CNBD1: variants seen among roughly 807,000 people sequenced by gnomAD.
The protein encoded by CNBD1 is cyclic nucleotide binding domain containing 1.
In CNBD1, 71 loss-of-function variants were observed where a neutral mutation model predicts 54.4. The observed-to-expected ratio is 1.30, with a 90% CI of 1.08 to 1.59. The LOEUF is 1.59. Ranked by LOEUF, CNBD1 falls within the 40% of genes most tolerant of loss-of-function variation. The probability of loss-of-function intolerance (pLI) is 0.00; values close to 1 mark genes in which losing one functional copy is unlikely to be tolerated. For missense variants in CNBD1, 659 were observed against 518.0 expected (o/e 1.27, Z -2.64); for synonymous variants, 182 against 170.7 (o/e 1.07, Z -0.51).
At chr8:86,903,865 A>AT (rs10708085) in intron 2 of CNBD1, among the ~76,000 whole-genome samples, 7 of 149,300 alleles carry the variant, frequency 4.7e-5, no homozygotes, top group Admixed American at 1.3e-4. Flanking sequence ...TACAAACAGA[A>AT]TTTTTTTTTT....
intron 4 of CNBD1, among the ~76,000 whole-genome samples, chr8:87,137,195 T>TTA (rs530392551): frequency 7.9e-4 from 113 of 142,578 alleles, no homozygotes; most frequent in Non-Finnish European, 1.3e-3. Flanking sequence ...TCTATATAAA[T>TTA]TATATATATA....
At chr8:87,200,252 A>C (rs1813829177) in intron 4 of CNBD1, among the ~76,000 whole-genome samples, 1 of 152,114 alleles carries the variant, frequency 6.6e-6, no homozygotes, top group Admixed American at 6.6e-5. Flanking sequence ...CACAGAAGAA[A>C]TCAGTGAACT....
intron 4 of CNBD1, among the ~76,000 whole-genome samples, chr8:87,005,717 T>C (rs1298455595): frequency 6.6e-6 from 1 of 152,052 alleles, no homozygotes; most frequent in Admixed American, 6.6e-5. Context: ...TCAAGTCTAT[T>C]GAAACAAAAA....
rs149209485 is a variant in CNBD1, at chr8:87,115,865, C to G, written c.432-90128C>G. 2.2e-3 allele frequency among the ~76,000 whole-genome samples: 333 copies of G among 152,284 alleles called. 4 individuals carry two copies. The highest frequency in any genetic ancestry group is 4.0e-3 in the Non-Finnish European group (271 of 68,018). On this transcript the variant is annotated intron_variant, in intron 4 of 10. Transcript: ENST00000518476. ...TTCACACTGCTTTTGATTAATCGATCCGTTTACCTTCTCACTGTGCATCGG... is the reference window on the plus strand; with the variant it reads ...TTCACACTGCTTTTGATTAATCGATGCGTTTACCTTCTCACTGTGCATCGG...
Position 87,399,515 on chromosome 8 carries a change from T to A in CNBD1, c.214-29031T>A, listed in dbSNP as rs375252917. ...GAATGAGACTACTAGATTTCAAATC[T>A]GGGCCAGCACTTACAGTCTGAGTTA... On this transcript the variant is annotated intron_variant, in intron 2 of 7. Coordinates refer to the CNBD1 transcript ENST00000521593. Among the ~76,000 whole-genome samples, 10 of 152,148 alleles carry A rather than the reference T, an allele frequency of 6.6e-5. 1 individual carries two copies. The East Asian group carries it at 9.7e-4, about 15-fold the overall frequency.
chr8:87,184,356 A>G lies in CNBD1; in HGVS notation c.432-21637A>G, dbSNP rs559182368. 1.4e-4 allele frequency among the ~76,000 whole-genome samples: 21 copies of G among 152,296 alleles called. 2 individuals are homozygous for G. In the South Asian group the frequency reaches 4.3e-3, roughly 32 times the overall value. On this transcript the variant is annotated intron_variant, in intron 4 of 10. Transcript: ENST00000518476. ...GGACCATTCAGATCAGACTGACCGCATGGGAAAGACAGCCCTGCTCTCTGC... is the reference window on the plus strand; with the variant it reads ...GGACCATTCAGATCAGACTGACCGCGTGGGAAAGACAGCCCTGCTCTCTGC...
chr8:87,116,541 G>T lies in CNBD1; in HGVS notation c.432-89452G>T, dbSNP rs536441865. ...CATGTCTTATATAATCTTTTTTTAA[G>T]TTACCAGAGTTATGTATTTAATTGC... is the stretch of plus-strand genomic sequence containing the variant. On this transcript the variant is annotated intron_variant, in intron 4 of 10. Coordinates refer to ENST00000518476, the MANE Select transcript of CNBD1 (RefSeq NM_173538.3). Among the ~76,000 whole-genome samples, 4 of 152,028 alleles carry T rather than the reference G, an allele frequency of 2.6e-5. No individual in the cohort carries two copies. In the East Asian group the frequency reaches 7.7e-4, roughly 29 times the overall value.
chr8:87,006,762 ACTC>A (rs1809106406), intron 4 of CNBD1, among the ~76,000 whole-genome samples: 1 of 151,686 alleles, frequency 6.6e-6, no homozygotes, highest in African/African-American at 2.4e-5. Context: ...TCAGATGACA[ACTC>A]CTCCTCTTTA....
At chr8:87,244,297 C>T (rs775167407) in intron 6 of CNBD1, among the ~76,000 whole-genome samples, 1 of 152,258 alleles carries the variant, frequency 6.6e-6, no homozygotes, top group Middle Eastern at 3.4e-3. Flanking sequence ...AGCTATGCAT[C>T]TATCTCAATG....
intron 8 of CNBD1, among the ~76,000 whole-genome samples, chr8:87,329,731 T>A (rs1586019175): frequency 6.6e-6 from 1 of 152,160 alleles, no homozygotes; most frequent in East Asian, 1.9e-4. Context: ...AAGAATTGAC[T>A]TGTGTATATT....
At chr8:87,235,261 C>T (rs533798627) in intron 5 of CNBD1, among the ~76,000 whole-genome samples, 1 of 152,228 alleles carries the variant, frequency 6.6e-6, no homozygotes, top group South Asian at 2.1e-4. Context: ...TGGAATAGCA[C>T]TTTTAAATTT....
At chr8:87,289,839 C>T (rs1464661362) in intron 8 of CNBD1, among the ~76,000 whole-genome samples, 1 of 152,116 alleles carries the variant, frequency 6.6e-6, no homozygotes, top group Non-Finnish European at 1.5e-5. Flanking sequence ...AATCAAAAGT[C>T]TTAGTCCCAT....
chr8:87,426,865 C>A (rs999042084), intron 2 of CNBD1, among the ~76,000 whole-genome samples: 2 of 152,054 alleles, frequency 1.3e-5, no homozygotes, highest in African/African-American at 4.8e-5. Context: ...TTAATTTGAC[C>A]AGGGATATAC....
chr8:87,305,671 A>G lies in CNBD1; in HGVS notation c.1042+19000A>G, dbSNP rs114724645. Among the ~76,000 whole-genome samples the G allele has an allele frequency of 6.5e-3, 986 of 152,282 alleles. 11 individuals carry two copies. Among genetic ancestry groups the G allele is most frequent in the African/African-American group, 0.023 (940 of 41,572 alleles). On this transcript the variant is annotated intron_variant, in intron 8 of 10. Coordinates refer to ENST00000518476, the MANE Select transcript of CNBD1 (RefSeq NM_173538.3). ...AAAGTAGGGAAAGGAACCCTCTTCAACAAATGGTGTTGGGATAATTGGCAA... is the reference window on the plus strand; with the variant it reads ...AAAGTAGGGAAAGGAACCCTCTTCAGCAAATGGTGTTGGGATAATTGGCAA...
chr8:86,973,708 C>G (rs537879088), intron 4 of CNBD1, among the ~76,000 whole-genome samples: 125 of 152,270 alleles, frequency 8.2e-4, no homozygotes, highest in Non-Finnish European at 1.2e-3. Flanking sequence ...TGCTTTTGTA[C>G]TACCAGGTGG....
chr8:87,024,275 A>G (rs963251977), intron 4 of CNBD1, among the ~76,000 whole-genome samples: 1 of 150,794 alleles, frequency 6.6e-6, no homozygotes, highest in Admixed American at 6.6e-5. Flanking sequence ...GCTATCCAGG[A>G]ATCATTAGAG....
intron 4 of CNBD1, among the ~76,000 whole-genome samples, chr8:86,973,449 C>T (rs1460007465): frequency 6.6e-6 from 1 of 152,070 alleles, no homozygotes; most frequent in Non-Finnish European, 1.5e-5. Context: ...AAGGATGTGG[C>T]CTTGTCTTTT....
chr8:87,258,247 A>G (rs961810091), intron 6 of CNBD1, among the ~76,000 whole-genome samples: 4 of 152,096 alleles, frequency 2.6e-5, no homozygotes, highest in African/African-American at 9.7e-5. Flanking sequence ...ATTCCAGGTT[A>G]CCATAAGGCA....
chr8:87,376,896 A>C lies in CNBD1; in HGVS notation c.1304-5724A>C, dbSNP rs186083482. Among the ~76,000 whole-genome samples the C allele has an allele frequency of 7.2e-5, 11 of 151,924 alleles. 1 individual carries two copies. The highest frequency in any genetic ancestry group is 3.4e-3 in the Middle Eastern group (1 of 294). On this transcript the variant is annotated intron_variant, in intron 10 of 10. Transcript: ENST00000518476. Reference sequence around the variant, plus strand: ...TATAGATTAAAAATCAGAACCTTAGAAAGAAGAAATAATTTACTTGAGGAC... The same window carrying C: ...TATAGATTAAAAATCAGAACCTTAGCAAGAAGAAATAATTTACTTGAGGAC...
Sources: gnomAD v4.1 joint callset for allele counts (sites outside exome capture counted in the v4.1 genomes callset) on GRCh38, gnomAD v4.1.1 for gene constraint, MANE v1.5 for transcripts, NCBI Gene and HGNC (gene_info 2026-07-23, HGNC 2026-07-21) for gene names.